The following CTNNA2 variants were observed in gnomAD, a reference collection of about 807,000 sequenced individuals.
CTNNA2 encodes catenin alpha 2.
Under a neutral mutation model 101.0 loss-of-function variants are expected in CTNNA2, and 42 were observed. The ratio of observed to expected loss-of-function variants is 0.42; its 90% CI spans 0.32 to 0.54. The LOEUF (loss-of-function observed/expected upper bound fraction) is 0.54. CTNNA2 is among the 20% of genes least tolerant of loss of function. CTNNA2 has a pLI of 0.14. For synonymous variants in CTNNA2, 450 were observed against 456.4 expected, an observed-to-expected ratio of 0.99 and a Z score of 0.18; for missense variants, 871 against 1,223.1, an observed-to-expected ratio of 0.71 and a Z score of 4.29.
At chr2:80,299,376 C>G (rs1011616408) in intron 7 of CTNNA2, 2 of 152,102 alleles carry the variant, frequency 1.3e-5, no homozygotes, top group African/African-American at 2.4e-5. Flanking sequence ...CACCTCCCCC[C>G]ACCAATCTCC....
At chr2:79,202,727 C>CGTTTGTTTGTTTGTTT (rs200047453) in intron 2 of CTNNA2, among the ~76,000 whole-genome samples, 2 of 107,084 alleles carry the variant, frequency 1.9e-5, no homozygotes, top group African/African-American at 5.0e-5. Context: ...TATGGTTCTA[C>CGTTTGTTTGTTTGTTT]GTTTCTTTGT....
chr2:79,341,413 G>C (rs1043403927), intron 3 of CTNNA2, among the ~76,000 whole-genome samples: 16 of 152,158 alleles, frequency 1.1e-4, no homozygotes, highest in African/African-American at 3.9e-4. Context: ...AAGGGAAAAT[G>C]AGTGGGTGAA....
At chr2:80,402,335 A>G (rs961976683) in intron 8 of CTNNA2, among the ~76,000 whole-genome samples, 3 of 152,164 alleles carry the variant, frequency 2.0e-5, no homozygotes, top group East Asian at 3.9e-4. Context: ...CATAGGCATG[A>G]TTGATTAAGT....
chr2:80,104,593 T>C (rs1700765213), intron 7 of CTNNA2, among the ~76,000 whole-genome samples: 1 of 152,208 alleles, frequency 6.6e-6, no homozygotes. Context: ...TCATTTACCT[T>C]GAGTTGGAAA....
intron 3 of CTNNA2, among the ~76,000 whole-genome samples, chr2:79,797,203 A>G (rs777961686): frequency 6.6e-6 from 1 of 152,168 alleles, no homozygotes; most frequent in Non-Finnish European, 1.5e-5. Context: ...GAAAGTACCT[A>G]TGTAGACATC....
intron 7 of CTNNA2, among the ~76,000 whole-genome samples, chr2:80,001,557 C>T (rs1351327659): frequency 2.6e-5 from 4 of 152,154 alleles, no homozygotes; most frequent in Non-Finnish European, 5.9e-5. Context: ...AGAAATTTTT[C>T]TCCTGGGGAT....
chr2:80,301,516 CTT>C lies in CTNNA2; in HGVS notation c.1057-91691_1057-91690del, dbSNP rs1256996842. 1.3e-3 allele frequency among the ~76,000 whole-genome samples: 197 copies of C among 152,302 alleles called. 8 individuals carry two copies. In the South Asian group the frequency reaches 0.04, roughly 31 times the overall value. ...TCCTAGGAGAAACTGTCTGGCATTG[CTT>C]TTTAAAAACCATTTGCAATGCTCTC... On this transcript the variant is annotated intron_variant, in intron 7 of 18. Transcript: ENST00000402739.
chr2:79,778,636 T>C (rs1674183706), intron 3 of CTNNA2, among the ~76,000 whole-genome samples: 2 of 152,196 alleles, frequency 1.3e-5, no homozygotes. Context: ...ACATACGTAC[T>C]TTTTAAATAC....
intron 7 of CTNNA2, among the ~76,000 whole-genome samples, chr2:80,258,558 G>A (rs1360079843): frequency 6.6e-6 from 1 of 152,082 alleles, no homozygotes; most frequent in Non-Finnish European, 1.5e-5. Context: ...AGTCAAGCTA[G>A]GGAATGTTCC....
intron 7 of CTNNA2, among the ~76,000 whole-genome samples, chr2:80,356,361 A>G (rs1336612739): frequency 1.3e-5 from 2 of 152,122 alleles, no homozygotes; most frequent in Non-Finnish European, 2.9e-5. Flanking sequence ...TGAGCTCACC[A>G]AGATTCCACA....
At chr2:79,341,549 T>TTGGATGTG (rs1677138075) in intron 3 of CTNNA2, among the ~76,000 whole-genome samples, 1 of 152,208 alleles carries the variant, frequency 6.6e-6, no homozygotes, top group Non-Finnish European at 1.5e-5. Flanking sequence ...CCACACATCT[T>TTGGATGTG]TGGAGCAACG....
chr2:79,771,311 G>T (rs1441548543), intron 3 of CTNNA2, among the ~76,000 whole-genome samples: 3 of 152,312 alleles, frequency 2.0e-5, no homozygotes, highest in African/African-American at 7.2e-5. Context: ...TAGCTCAGCG[G>T]TCCCAACCTT....
intron 7 of CTNNA2, among the ~76,000 whole-genome samples, chr2:80,294,516 A>G (rs981153315): frequency 1.3e-5 from 2 of 152,050 alleles, no homozygotes; most frequent in African/African-American, 2.4e-5. Context: ...GTCTTTTTAA[A>G]GAGCTGCAGT....
chr2:80,083,853 A>G (rs140180106), intron 7 of CTNNA2, among the ~76,000 whole-genome samples: 45 of 152,240 alleles, frequency 3.0e-4, no homozygotes, highest in Middle Eastern at 3.4e-3. Flanking sequence ...ATCTTACAAG[A>G]AGAAATTACT....
chr2:80,327,676 C>T (rs1370864023), intron 7 of CTNNA2, among the ~76,000 whole-genome samples: 1 of 152,216 alleles, frequency 6.6e-6, no homozygotes, highest in Non-Finnish European at 1.5e-5. Flanking sequence ...CATTCACTGA[C>T]AACCACTAAT....
intron 7 of CTNNA2, among the ~76,000 whole-genome samples, chr2:80,142,071 C>G (rs1263337825): frequency 2.6e-5 from 4 of 152,054 alleles, no homozygotes; most frequent in African/African-American, 4.8e-5. Flanking sequence ...TTCTGCTGAT[C>G]CCAAGCTTTT....
chr2:80,043,099 C>T lies in CTNNA2; in HGVS notation c.1056+133302C>T, dbSNP rs1409437639. Reference sequence around the variant, plus strand: ...TCTTTCTTTCTTTCTTTCTTTCTCTCTCTCTCTCTCTCTTTCTTTCTCCTT... The same window carrying T: ...TCTTTCTTTCTTTCTTTCTTTCTCTTTCTCTCTCTCTCTTTCTTTCTCCTT... On this transcript the variant is annotated intron_variant, in intron 7 of 18. Coordinates refer to ENST00000402739, the MANE Select transcript of CTNNA2 (RefSeq NM_001282597.3). 3.1e-3 allele frequency among the ~76,000 whole-genome samples: 82 copies of T among 26,700 alleles called. 1 individual carries two copies. Among genetic ancestry groups the T allele is most frequent in the African/African-American group, 0.016 (74 of 4,648 alleles). 17.5% of individuals were successfully genotyped at this position (26,700 alleles called of 152,430 possible). A position where few individuals can be genotyped will look rare whatever the true frequency, so the allele number is the denominator to read the frequency against.
chr2:79,839,479 C>G (rs1309580046), intron 3 of CTNNA2, among the ~76,000 whole-genome samples: 6 of 152,016 alleles, frequency 3.9e-5, no homozygotes, highest in Non-Finnish European at 5.9e-5. Flanking sequence ...TGGAAAATTA[C>G]CAGCCATTAT....
intron 7 of CTNNA2, among the ~76,000 whole-genome samples, chr2:80,385,476 A>G (rs576407485): frequency 9.2e-5 from 14 of 152,324 alleles, no homozygotes; most frequent in African/African-American, 2.9e-4. Context: ...GCCTCCAGAA[A>G]TGTGAGAAAT....
Sources: gnomAD v4.1 joint callset for allele counts (sites outside exome capture counted in the v4.1 genomes callset) on GRCh38, gnomAD v4.1.1 for gene constraint, MANE v1.5 for transcripts, NCBI Gene and HGNC (gene_info 2026-07-23, HGNC 2026-07-21) for gene names.